The following SGCD variants were observed in gnomAD, a reference collection of about 807,000 sequenced individuals.
The protein encoded by SGCD is delta-sarcoglycan.
SGCD carries 18 observed loss-of-function variants against 36.6 expected under a neutral mutation model. The ratio of observed to expected loss-of-function variants is 0.49; its 90% CI spans 0.34 to 0.73. The LOEUF (loss-of-function observed/expected upper bound fraction) is 0.73. SGCD is among the 30% of genes least tolerant of loss of function. The probability of loss-of-function intolerance (pLI) is 0.01; values close to 1 mark genes in which losing one functional copy is unlikely to be tolerated. For missense variants in SGCD, 387 were observed against 346.7 expected, an observed-to-expected ratio of 1.12 and a Z score of -0.92; for synonymous variants, 133 against 130.6, an observed-to-expected ratio of 1.02 and a Z score of -0.12.
At chr5:156,550,128 A>C (rs1298857708) in intron 4 of SGCD, among the ~76,000 whole-genome samples, 1 of 152,164 alleles carries the variant, frequency 6.6e-6, no homozygotes, top group Non-Finnish European at 1.5e-5. Context: ...AAAACCAGGA[A>C]ACTCTTTTAT....
intron 3 of SGCD, among the ~76,000 whole-genome samples, chr5:156,158,960 T>A (rs1013623706): frequency 6.6e-6 from 1 of 151,598 alleles, no homozygotes; most frequent in African/African-American, 2.4e-5. Flanking sequence ...GATACACTTT[T>A]TCTCTTTAAC....
At chr5:156,504,943 C>T (rs746331132) in intron 3 of SGCD, among the ~76,000 whole-genome samples, 24 of 152,232 alleles carry the variant, frequency 1.6e-4, no homozygotes, top group African/African-American at 3.4e-4. Context: ...TAATCATATG[C>T]GTGTAAACAT....
intron 3 of SGCD, among the ~76,000 whole-genome samples, chr5:156,446,839 T>G (rs374246421): frequency 1.4e-4 from 22 of 152,174 alleles, no homozygotes; most frequent in African/African-American, 5.3e-4. Flanking sequence ...AATCGTAGAA[T>G]TTTAGAATTG....
chr5:156,218,142 C>T (rs1004623054), intron 3 of SGCD, among the ~76,000 whole-genome samples: 1 of 151,978 alleles, frequency 6.6e-6, no homozygotes, highest in Non-Finnish European at 1.5e-5. Context: ...GGCATGGTGG[C>T]ATGAGCATGT....
chr5:156,043,044 AG>A (rs1759676964), intron 1 of SGCD, among the ~76,000 whole-genome samples: 1 of 152,198 alleles, frequency 6.6e-6, no homozygotes, highest in African/African-American at 2.4e-5. Flanking sequence ...GGAATGATTA[AG>A]GACAGTTTGG....
At chr5:156,728,069 C>A (rs915207349) in intron 7 of SGCD, among the ~76,000 whole-genome samples, 1 of 152,182 alleles carries the variant, frequency 6.6e-6, no homozygotes, top group African/African-American at 2.4e-5. Context: ...CCTCTTGTAA[C>A]AGTTGGGTAA....
chr5:155,747,511 G>C, the SGCD span, among the ~76,000 whole-genome samples: 2 of 152,242 alleles, frequency 1.3e-5, no homozygotes, highest in Non-Finnish European at 2.9e-5. Flanking sequence ...TTTTGTTGGA[G>C]GATAGGGACC....
chr5:156,421,114 T>C lies in SGCD; in HGVS notation c.192+76437T>C, dbSNP rs142206335. ...TAAATAATTAAGAAATGAAAACAACTCCAAATGGTCTCAATGGAATACTTC... is the reference window on the plus strand; with the variant it reads ...TAAATAATTAAGAAATGAAAACAACCCCAAATGGTCTCAATGGAATACTTC... On this transcript the variant is annotated intron_variant, in intron 3 of 8. Transcript: ENST00000337851. 6.1e-4 allele frequency among the ~76,000 whole-genome samples: 92 copies of C among 152,028 alleles called. 1 individual carries two copies. Among genetic ancestry groups the C allele is most frequent in the African/African-American group, 2.2e-3 (91 of 41,478 alleles).
chr5:156,274,051 C>T (rs2127670840), intron 3 of SGCD, among the ~76,000 whole-genome samples: 1 of 152,156 alleles, frequency 6.6e-6, no homozygotes, highest in East Asian at 1.9e-4. Context: ...CTGTACTGAC[C>T]TCTGTGTGGG....
In SGCD at chr5:156,402,748, A is replaced by G. The variant is rs143515206; in HGVS notation, c.192+58071A>G. 7.9e-4 allele frequency among the ~76,000 whole-genome samples: 121 copies of G among 152,310 alleles called. 2 individuals are homozygous for G. The East Asian group carries it at 0.021, about 27-fold the overall frequency. On this transcript the variant is annotated intron_variant, in intron 3 of 8. Transcript: ENST00000337851. ...CTGAAGACAAGTAATCAAAATGTGC[A>G]TGCTCTCTGCAGGGGAAAGTCCCCA...
At chr5:156,109,798 T>A (rs1761740861) in intron 1 of SGCD, among the ~76,000 whole-genome samples, 2 of 152,162 alleles carry the variant, frequency 1.3e-5, no homozygotes, top group Admixed American at 1.3e-4. Flanking sequence ...ACTTTCCTAA[T>A]CCATTTACTG....
At chr5:156,739,954 C>T (rs963635905) in intron 7 of SGCD, 2 of 152,280 alleles carry the variant, frequency 1.3e-5, no homozygotes, top group East Asian at 1.9e-4. Flanking sequence ...GTTTATGAAT[C>T]TAAATCTGTC....
intron 1 of SGCD, among the ~76,000 whole-genome samples, chr5:155,985,561 C>A (rs1261484052): frequency 6.6e-6 from 1 of 152,114 alleles, no homozygotes; most frequent in Non-Finnish European, 1.5e-5. Context: ...TTTGGAGGGT[C>A]ATTATTCTGT....
At chr5:155,907,102 A>G (rs183753752) in intron 1 of SGCD, among the ~76,000 whole-genome samples, 1 of 146,662 alleles carries the variant, frequency 6.8e-6, no homozygotes, top group East Asian at 2.0e-4. Flanking sequence ...ATGATGCAAA[A>G]TCTACTCTGC....
At chr5:156,652,909 A>C (rs755385386) in intron 7 of SGCD, among the ~76,000 whole-genome samples, 1 of 152,008 alleles carries the variant, frequency 6.6e-6, no homozygotes, top group Non-Finnish European at 1.5e-5. Flanking sequence ...ATTGATTTGC[A>C]TATGTTGAAC....
At chr5:156,114,641 C>A (rs945570124) in intron 1 of SGCD, among the ~76,000 whole-genome samples, 4 of 152,040 alleles carry the variant, frequency 2.6e-5, no homozygotes, top group African/African-American at 9.7e-5. Context: ...TGGCTAGTCC[C>A]TAAGGCCCCA....
the SGCD span, among the ~76,000 whole-genome samples, chr5:155,771,133 A>C: frequency 6.6e-6 from 1 of 152,180 alleles, no homozygotes; most frequent in Non-Finnish European, 1.5e-5. Flanking sequence ...AATGAAGCCC[A>C]GAGAGTCTAA....
chr5:156,533,389 C>T (rs904313862), intron 4 of SGCD, among the ~76,000 whole-genome samples: 1 of 152,056 alleles, frequency 6.6e-6, no homozygotes, highest in African/African-American at 2.4e-5. Flanking sequence ...TGAATTTAGT[C>T]CCTGACTCAG....
intron 7 of SGCD, among the ~76,000 whole-genome samples, chr5:156,706,653 C>T (rs1481358213): frequency 6.6e-6 from 1 of 152,058 alleles, no homozygotes; most frequent in Non-Finnish European, 1.5e-5. Context: ...AATATATGTT[C>T]CCTCAGCAAT....
Sources: gnomAD v4.1 joint callset for allele counts (sites outside exome capture counted in the v4.1 genomes callset) on GRCh38, gnomAD v4.1.1 for gene constraint, MANE v1.5 for transcripts, NCBI Gene and HGNC (gene_info 2026-07-23, HGNC 2026-07-21) for gene names.